MYO16: variants seen among roughly 807,000 people sequenced by gnomAD.
MYO16 encodes the protein myosin XVI.
In MYO16, 94 loss-of-function variants were observed where a neutral mutation model predicts 205.3. That is an observed-to-expected ratio of 0.46 (90% CI 0.39 to 0.54). MYO16 has a LOEUF of 0.54. MYO16 is among the 20% of genes least tolerant of loss of function. MYO16 has a pLI of 0.00. For synonymous variants in MYO16, 988 were observed against 954.0 expected (o/e 1.04, Z -0.66); for missense variants, 2,315 against 2,387.5 (o/e 0.97, Z 0.63).
intron 1 of MYO16, among the ~76,000 whole-genome samples, chr13:108,650,795 T>C (rs1246182456): frequency 3.3e-5 from 5 of 152,134 alleles, no homozygotes; most frequent in South Asian, 2.1e-4. Flanking sequence ...GTGTTTAGAA[T>C]GGCAGGGGCA....
In MYO16 at chr13:108,896,352, C is replaced by T. The variant is rs374767259; in HGVS notation, c.1660-1664C>T. ...TAGATTATAGGAAAAGATACAAAAA[C>T]GAAGAGTTACTAAGTACTATTTCAT... On this transcript the variant is annotated intron_variant, in intron 14 of 34. Coordinates refer to ENST00000457511, the MANE Select transcript of MYO16 (RefSeq NM_001198950.3). Among the ~76,000 whole-genome samples the T allele has an allele frequency of 1.8e-4, 28 of 152,128 alleles. No homozygotes were observed. In the East Asian group the frequency reaches 3.1e-3, roughly 17 times the overall value.
At chr13:108,660,735 T>C (rs537696849) in intron 1 of MYO16, among the ~76,000 whole-genome samples, 2 of 152,348 alleles carry the variant, frequency 1.3e-5, no homozygotes, top group Admixed American at 1.3e-4. Context: ...ATTCTGTAGT[T>C]CTGTGTCTTT....
At chr13:108,720,336 T>G (rs912622733) in intron 3 of MYO16, among the ~76,000 whole-genome samples, 2 of 152,178 alleles carry the variant, frequency 1.3e-5, no homozygotes, top group African/African-American at 4.8e-5. Flanking sequence ...TCCAGAATCA[T>G]GTTAGATTTT....
At chr13:108,547,316 C>T in the MYO16 span, among the ~76,000 whole-genome samples, 1 of 151,172 alleles carries the variant, frequency 6.6e-6, no homozygotes, top group Non-Finnish European at 1.5e-5. Flanking sequence ...GACTGTTGAG[C>T]ACTGAGCCCA....
At chr13:109,025,053 G>A (rs976297084) in intron 23 of MYO16, among the ~76,000 whole-genome samples, 4 of 152,100 alleles carry the variant, frequency 2.6e-5, no homozygotes, top group East Asian at 1.9e-4. Context: ...GGGCCCAAGC[G>A]AGAGCTCAAT....
intron 2 of MYO16, among the ~76,000 whole-genome samples, chr13:108,690,882 G>A (rs200067067): frequency 5.9e-5 from 9 of 152,100 alleles, no homozygotes; most frequent in East Asian, 1.9e-4. Flanking sequence ...TGGAGGTGGC[G>A]GGTAGGGGAA....
intron 32 of MYO16, among the ~76,000 whole-genome samples, chr13:109,154,003 A>G (rs1048825839): frequency 6.6e-6 from 1 of 152,198 alleles, no homozygotes; most frequent in Non-Finnish European, 1.5e-5. Flanking sequence ...TCACGTGAGC[A>G]CGTAAAGAAT....
the MYO16 span, among the ~76,000 whole-genome samples, chr13:108,566,739 AAG>A: frequency 2.6e-4 from 2 of 7,782 alleles, no homozygotes; most frequent in Non-Finnish European, 4.1e-4. Flanking sequence ...GGAAGGGAGG[AAG>A]GAAGGAAGGA....
chr13:109,206,305 C>T (rs1880595343), intron 34 of MYO16, among the ~76,000 whole-genome samples: 1 of 152,176 alleles, frequency 6.6e-6, no homozygotes, highest in African/African-American at 2.4e-5. Flanking sequence ...AGAATGTACA[C>T]AGTAATCGAG....
At chr13:109,018,618 C>T (rs1262109688) in intron 22 of MYO16, among the ~76,000 whole-genome samples, 2 of 152,190 alleles carry the variant, frequency 1.3e-5, no homozygotes, top group Admixed American at 6.5e-5. Flanking sequence ...GCATTGGATC[C>T]GTTGAGCGAA....
intron 4 of MYO16, among the ~76,000 whole-genome samples, chr13:108,729,857 T>G (rs1427546349): frequency 6.6e-6 from 1 of 152,174 alleles, no homozygotes; most frequent in Non-Finnish European, 1.5e-5. Flanking sequence ...CTTTCTGTAG[T>G]CTCTACTGAG....
intron 27 of MYO16, among the ~76,000 whole-genome samples, chr13:109,062,157 A>G (rs1159329939): frequency 1.3e-5 from 2 of 152,192 alleles, no homozygotes; most frequent in South Asian, 2.1e-4. Context: ...AGTCAGTTTT[A>G]TATACACTCT....
chr13:109,086,886 T>A (rs538501900), intron 27 of MYO16, among the ~76,000 whole-genome samples: 8 of 152,374 alleles, frequency 5.3e-5, no homozygotes, highest in African/African-American at 1.9e-4. Context: ...TGATATGTTC[T>A]GAAAATGTAC....
chr13:109,122,794 G>A (rs1196747614), intron 29 of MYO16, among the ~76,000 whole-genome samples: 1 of 151,560 alleles, frequency 6.6e-6, no homozygotes, highest in African/African-American at 2.4e-5. Flanking sequence ...TTACAGGCTT[G>A]TAAATGCAAA....
chr13:108,898,351 A>AGTGTGTGTGTGTGTGTGTGTGTGTGT, intron 15 of MYO16, among the ~76,000 whole-genome samples: 1 of 144,990 alleles, frequency 6.9e-6, no homozygotes, highest in Non-Finnish European at 1.5e-5. Context: ...AGGGTGTGTG[A>AGTGTGTGTGTGTGTGTGTGTGTGTGT]GTGTGTGTGT....
intron 4 of MYO16, among the ~76,000 whole-genome samples, chr13:108,749,038 T>C (rs929445983): frequency 3.3e-5 from 5 of 152,172 alleles, no homozygotes; most frequent in African/African-American, 1.2e-4. Flanking sequence ...GGCAGGGTTT[T>C]TTTGACATCT....
At chr13:109,095,387 T>A (rs1165237234) in intron 27 of MYO16, among the ~76,000 whole-genome samples, 1 of 152,010 alleles carries the variant, frequency 6.6e-6, no homozygotes, top group African/African-American at 2.4e-5. Context: ...CAGATCAAAG[T>A]TACTGGGGGA....
rs114162816 is a variant in MYO16 at position 108,596,999 on chromosome 13, G to A, written c.-39+760G>A. Among the ~76,000 whole-genome samples the A allele has an allele frequency of 7.9e-3, 1,206 of 152,234 alleles. 23 individuals carry two copies. Among genetic ancestry groups the A allele is most frequent in the African/African-American group, 0.028 (1,152 of 41,546 alleles). ...TCTTAAAGTGATGGATCCTAAGTACGCTGATTTGGTTTGTAAAAGTTAGAT... is the reference window on the plus strand; with the variant it reads ...TCTTAAAGTGATGGATCCTAAGTACACTGATTTGGTTTGTAAAAGTTAGAT... On this transcript the variant is annotated intron_variant, in intron 1 of 24. Transcript: ENST00000251041.
intron 34 of MYO16, among the ~76,000 whole-genome samples, chr13:109,186,956 C>T (rs1354989979): frequency 6.6e-6 from 1 of 152,132 alleles, no homozygotes; most frequent in African/African-American, 2.4e-5. Flanking sequence ...CAAATTACTC[C>T]CCTAAAAGGT....
Sources: allele counts gnomAD v4.1 joint callset (sites outside exome capture counted in the v4.1 genomes callset), GRCh38; gene constraint gnomAD v4.1.1; transcripts MANE v1.5; gene names NCBI Gene and HGNC (gene_info 2026-07-23, HGNC 2026-07-21).